Variants in LRP1B observed in about 807,000 individuals in gnomAD.
LRP1B encodes the protein LDL receptor related protein 1B.
Under a neutral mutation model 556.6 loss-of-function variants are expected in LRP1B, and 217 were observed. That is an observed-to-expected ratio of 0.39 (90% CI 0.35 to 0.44). The LOEUF (loss-of-function observed/expected upper bound fraction) is 0.44. LRP1B is among the 20% of genes least tolerant of loss of function. The pLI, the probability that LRP1B is intolerant of heterozygous loss-of-function variation, is 1.00. For synonymous variants in LRP1B, 2,047 were observed against 1,865.8 expected (o/e 1.10, Z -2.50); for missense variants, 5,053 against 5,620.8 (o/e 0.90, Z 3.23).
intron 2 of LRP1B, among the ~76,000 whole-genome samples, chr2:141,632,737 A>T (rs1189375329): frequency 6.6e-6 from 1 of 152,148 alleles, no homozygotes; most frequent in Non-Finnish European, 1.5e-5. Flanking sequence ...CCAGAGAGTC[A>T]GTGGTCAACC....
At chr2:140,650,200 T>C (rs1192298673) in intron 41 of LRP1B, among the ~76,000 whole-genome samples, 2 of 151,874 alleles carry the variant, frequency 1.3e-5, no homozygotes, top group African/African-American at 4.8e-5. Flanking sequence ...TTGAATGTTT[T>C]ACTTTTTCTA....
chr2:142,078,210 A>G (rs1449480), intron 1 of LRP1B, among the ~76,000 whole-genome samples: 112,269 of 151,880 alleles, frequency 0.74, 41,992 homozygotes, highest in Non-Finnish European at 0.78. Flanking sequence ...ACATTTTCTC[A>G]ACCTCCTCTG....
intron 4 of LRP1B, among the ~76,000 whole-genome samples, chr2:141,251,570 C>T (rs1684261870): frequency 6.6e-6 from 1 of 151,888 alleles, no homozygotes; most frequent in Non-Finnish European, 1.5e-5. Flanking sequence ...AAATGTAGTG[C>T]TTAAAGGTAT....
At position 140,923,063 on chromosome 2, in the gene LRP1B, T is replaced by C. The variant is rs2105258586; in HGVS notation, c.3221A>G (p.Asp1074Gly). ...ACCATCTTCACAGTCTTTTTCTCCA[T>C]CACAGCGCCACAAATCAGGAACGCA... ...GNCVPDLWRC[D>G]GEKDCEDGSD... Residue 1074 changes from aspartate (D) to glycine (G), a missense_variant, in exon 21 of 91, where the codon GAT (aspartate) becomes GGT (glycine). Coordinates refer to ENST00000389484, the MANE Select transcript of LRP1B (RefSeq NM_018557.3). 6.2e-7 allele frequency: 1 copy of C among 1,613,148 alleles called. No individual in the cohort carries two copies. Among genetic ancestry groups the C allele is most frequent in the Non-Finnish European group, 8.5e-7 (1 of 1,179,436 alleles).
At chr2:140,768,605 T>G (rs1689196127) in intron 35 of LRP1B, among the ~76,000 whole-genome samples, 1 of 151,930 alleles carries the variant, frequency 6.6e-6, no homozygotes, top group Admixed American at 6.6e-5. Context: ...TGTCTACCAT[T>G]AATTCCCCAT....
intron 23 of LRP1B, among the ~76,000 whole-genome samples, chr2:140,896,889 T>C (rs550811626): frequency 7.2e-5 from 11 of 152,218 alleles, no homozygotes; most frequent in South Asian, 6.2e-4. Context: ...CAACAGAAGA[T>C]GATGGAAAAC....
intron 7 of LRP1B, among the ~76,000 whole-genome samples, chr2:141,097,772 T>G (rs1328778412): frequency 6.6e-6 from 1 of 152,176 alleles, no homozygotes; most frequent in Admixed American, 6.5e-5. Context: ...ATAGATTGGC[T>G]TATATCATAC....
intron 1 of LRP1B, among the ~76,000 whole-genome samples, chr2:141,998,464 C>A (rs906298980): frequency 3.4e-4 from 51 of 151,994 alleles, no homozygotes; most frequent in African/African-American, 1.2e-3. Flanking sequence ...TTTAAGTTCT[C>A]CGGTTGATTA....
chr2:141,890,017 G>A (rs1030564071), intron 1 of LRP1B, among the ~76,000 whole-genome samples: 2 of 147,290 alleles, frequency 1.4e-5, no homozygotes, highest in East Asian at 2.1e-4. Flanking sequence ...TCTACTGGGC[G>A]CTTTATTCCT....
At chr2:140,781,636 G>A (rs1689701411) in intron 32 of LRP1B, among the ~76,000 whole-genome samples, 2 of 152,198 alleles carry the variant, frequency 1.3e-5, no homozygotes, top group South Asian at 4.2e-4. Flanking sequence ...AAATAGAAAA[G>A]AAATAAGTGA....
intron 10 of LRP1B, 111 bp downstream of exon 10, chr2:141,055,005 C>T (rs1699137706): frequency 1.6e-6 from 2 of 1,212,694 alleles, no homozygotes; most frequent in East Asian, 2.6e-5. Context: ...TGCAGGCAAA[C>T]TTCACCTGTT....
chr2:140,866,903 G>T (rs946497527), intron 27 of LRP1B, among the ~76,000 whole-genome samples: 1 of 152,056 alleles, frequency 6.6e-6, no homozygotes, highest in East Asian at 1.9e-4. Flanking sequence ...AGGAGAAGAT[G>T]CAAGAGAGAG....
intron 74 of LRP1B, 36 bp from the exon 75 acceptor site, chr2:140,356,512 T>C: frequency 1.4e-6 from 2 of 1,471,546 alleles, no homozygotes; most frequent in Non-Finnish European, 1.9e-6. Context: ...CTAATATAAT[T>C]CTAATTCCTG....
chr2:140,937,312 G>A (rs1695258150), intron 20 of LRP1B, among the ~76,000 whole-genome samples: 1 of 152,062 alleles, frequency 6.6e-6, no homozygotes, highest in Admixed American at 6.6e-5. Flanking sequence ...AAGAAACTTG[G>A]TGACATTGTG....
chr2:141,474,055 TCCTC>T (rs796995879), intron 3 of LRP1B, among the ~76,000 whole-genome samples: 61 of 127,002 alleles, frequency 4.8e-4, no homozygotes, highest in African/African-American at 1.0e-3. Context: ...TTTCCTTCCT[TCCTC>T]CCTCCCTCCC....
intron 65 of LRP1B, among the ~76,000 whole-genome samples, chr2:140,444,009 T>A (rs1287525786): frequency 6.6e-6 from 1 of 152,184 alleles, no homozygotes; most frequent in Non-Finnish European, 1.5e-5. Flanking sequence ...CTACTTAATA[T>A]GGGCAAAAAT....
chr2:141,376,926 A>G (rs1256741212), intron 3 of LRP1B, among the ~76,000 whole-genome samples: 1 of 152,158 alleles, frequency 6.6e-6, no homozygotes, highest in Non-Finnish European at 1.5e-5. Context: ...AATGTAAGGC[A>G]GTAAAAATGA....
intron 1 of LRP1B, among the ~76,000 whole-genome samples, chr2:142,083,145 G>A (rs1015016158): frequency 2.0e-5 from 3 of 152,156 alleles, no homozygotes; most frequent in East Asian, 1.9e-4. Context: ...AACACAGCCC[G>A]AAGGAACAAG....
chr2:141,646,814 G>A lies in LRP1B; in HGVS notation c.205+163465C>T, dbSNP rs140892983. The stretch of plus-strand genomic sequence containing the variant: ...TTGATTTGTTCATGAGGCAAAAGAA[G>A]AACCATCTCTATAAGATAATTTCAA... On this transcript the variant is annotated intron_variant, in intron 2 of 90. Transcript: ENST00000389484. Among the ~76,000 whole-genome samples the A allele has an allele frequency of 1.4e-3, 214 of 152,210 alleles. 1 individual carries two copies. The highest frequency in any genetic ancestry group is 5.0e-3 in the African/African-American group (206 of 41,546).
Sources: allele counts gnomAD v4.1 joint callset (sites outside exome capture counted in the v4.1 genomes callset), GRCh38; gene constraint gnomAD v4.1.1; transcripts MANE v1.5; gene names NCBI Gene and HGNC (gene_info 2026-07-23, HGNC 2026-07-21).